HLCS: variants seen among roughly 807,000 people sequenced by gnomAD.
HLCS encodes the protein holocarboxylase synthetase.
HLCS carries 53 observed loss-of-function variants against 75.0 expected under a neutral mutation model. The ratio of observed to expected loss-of-function variants is 0.71; its 90% CI spans 0.57 to 0.89. The LOEUF (loss-of-function observed/expected upper bound fraction) is 0.89. Ranked by LOEUF, HLCS falls within the 40% of genes least tolerant of loss-of-function variation. The pLI, the probability that HLCS is intolerant of heterozygous loss-of-function variation, is 0.00. For missense variants in HLCS, 966 were observed against 1,074.0 expected (o/e 0.90, Z 1.41); for synonymous variants, 431 against 428.6 (o/e 1.01, Z -0.07).
rs192513765 is a variant in HLCS, at chr21:36,984,133, C to G, written c.-393+6025G>C. Among the ~76,000 whole-genome samples the G allele has an allele frequency of 2.0e-5, 3 of 152,198 alleles. No individual in the cohort carries two copies. The East Asian group carries it at 5.8e-4, about 29-fold the overall frequency. ...GAATCATATACATAAGCCACCACAC[C>G]TGGCCAAGAATGATTTTTTTAAATT... On this transcript the variant is annotated intron_variant, in intron 1 of 11. Coordinates refer to the HLCS transcript ENST00000336648.
chr21:36,772,917 G>A (rs942935244), intron 6 of HLCS, among the ~76,000 whole-genome samples: 27 of 148,480 alleles, frequency 1.8e-4, no homozygotes, highest in African/African-American at 6.4e-4. Context: ...GGAGGCAGAG[G>A]TTGCAGTGAG....
rs150431185 is a variant in HLCS at position 36,936,898 on chromosome 21, G to A, written c.988C>T (p.Arg330Trp). ...QEALGRFHEVRSVLADCVDID... is the reference protein window; with the variant it reads ...QEALGRFHEVWSVLADCVDID... ...TCCACACAGTCGGCCAGCACAGACCGGACCTCGTGGAACCGGCCGAGGGCT... is the reference window on the plus strand; with the variant it reads ...TCCACACAGTCGGCCAGCACAGACCAGACCTCGTGGAACCGGCCGAGGGCT... Residue 330 changes from arginine to tryptophan, a missense_variant, in exon 4 of 11, where the codon CGG becomes TGG. Arg to Trp is a moderately radical substitution (Grantham distance 101). Coordinates refer to ENST00000674895, the MANE Select transcript of HLCS (RefSeq NM_001352514.2). The A allele has an allele frequency of 2.4e-5, 39 of 1,614,036 alleles. No homozygotes were observed. The highest frequency in any genetic ancestry group is 1.3e-4 in the African/African-American group (10 of 74,914).
rs375578744 is a variant in HLCS at position 36,938,786 on chromosome 21, G to A, written c.493+46C>T. ...TCCAAAGTGCTGGGATTACAGGCAT[G>A]AGCCACTATGCCTGGCCAATAAAAA... On this transcript the variant is annotated intron_variant, in intron 3 of 10. Coordinates refer to ENST00000674895, the MANE Select transcript of HLCS (RefSeq NM_001352514.2). 3.5e-5 allele frequency: 55 copies of A among 1,582,818 alleles called. 1 individual carries two copies. The African/African-American group carries it at 6.2e-4, about 18-fold the overall frequency.
chr21:36,767,555 G>A (rs1470224052), intron 6 of HLCS, among the ~76,000 whole-genome samples: 6 of 152,134 alleles, frequency 3.9e-5, no homozygotes, highest in African/African-American at 1.2e-4. Context: ...TGCCTGAGCC[G>A]TTACTCCATT....
Position 36,773,976 on chromosome 21 carries a change from C to T in HLCS, c.1893-6691G>A, listed in dbSNP as rs771733336. Among the ~76,000 whole-genome samples, 61 of 152,274 alleles carry T rather than the reference C, an allele frequency of 4.0e-4. 2 individuals carry two copies. The highest frequency in any genetic ancestry group is 6.2e-4 in the South Asian group (3 of 4,820). ...AGATATTTCATTTTTGTTAAAGTCA[C>T]ACTTTAACAATACGATTGATTTTTT... On this transcript the variant is annotated intron_variant, in intron 6 of 10. Coordinates refer to ENST00000674895, the MANE Select transcript of HLCS (RefSeq NM_001352514.2).
intron 6 of HLCS, among the ~76,000 whole-genome samples, chr21:36,815,654 T>C (rs909010277): frequency 1.3e-5 from 2 of 152,160 alleles, no homozygotes; most frequent in African/African-American, 4.8e-5. Context: ...AAAAAGTGAA[T>C]TGAGATTTCG....
intron 8 of HLCS, among the ~76,000 whole-genome samples, chr21:36,761,312 C>A (rs971991387): frequency 5.3e-5 from 8 of 152,234 alleles, no homozygotes; most frequent in Non-Finnish European, 1.0e-4. Flanking sequence ...TCCATGAAAT[C>A]CCTTCCTCCT....
At position 36,930,351 on chromosome 21, in the gene HLCS, C is replaced by T; in HGVS notation, c.1520G>A (p.Arg507Lys). The change falls in exon 5 of 11, where the codon AGA becomes AAA. Residue 507 changes from arginine (R) to lysine (K), a missense_variant. Coordinates refer to ENST00000674895, the MANE Select transcript of HLCS (RefSeq NM_001352514.2). ...CAGAATCTCTCTAAGGACTTCGTAT[C>T]TTCTAAAATTGCTTGACTTGAGCAA... is the stretch of plus-strand genomic sequence containing the variant. ...FNLLKSSNFR[R>K]YEVLREILTT... 2 of 1,614,118 alleles carry T rather than the reference C, an allele frequency of 1.2e-6. No homozygotes were observed. The highest frequency in any genetic ancestry group is 1.7e-6 in the Non-Finnish European group (2 of 1,179,990).
At chr21:36,918,948 T>C (rs1291124094) in intron 5 of HLCS, among the ~76,000 whole-genome samples, 3 of 152,244 alleles carry the variant, frequency 2.0e-5, no homozygotes, top group Non-Finnish European at 4.4e-5. Context: ...TAAATATGTC[T>C]AATTGGAAAC....
chr21:36,785,330 C>T (rs548121629), intron 6 of HLCS, among the ~76,000 whole-genome samples: 9 of 152,288 alleles, frequency 5.9e-5, no homozygotes, highest in Admixed American at 3.9e-4. Context: ...CTCCATGACA[C>T]GCTGGGTTTA....
chr21:36,868,296 A>G (rs948069131), intron 6 of HLCS, among the ~76,000 whole-genome samples: 1 of 152,068 alleles, frequency 6.6e-6, no homozygotes, highest in Non-Finnish European at 1.5e-5. Context: ...AGAAAGAAAA[A>G]GAAAAACAGT....
In HLCS at chr21:36,966,668, T is replaced by TCGCC; in HGVS notation, c.-31_-30insGGCG. ...GCGCCGCCGGCAGGGCGAGCCCGCC[T>TCGCC]TGCCCGCCCGCCCCAGCGCCCCAGG... On this transcript the variant is annotated 5_prime_UTR_variant, in exon 1 of 11. Coordinates refer to ENST00000674895, the MANE Select transcript of HLCS (RefSeq NM_001352514.2). The TCGCC allele has an allele frequency of 3.1e-6, 3 of 963,334 alleles. No individual in the cohort carries two copies. Among genetic ancestry groups the TCGCC allele is most frequent in the South Asian group, 9.6e-5 (2 of 20,922 alleles). The allele number at this position is 963,334 out of a possible 1,614,324, so 59.7% of individuals were successfully genotyped here. A position where few individuals can be genotyped will look rare whatever the true frequency, so the allele number is the denominator to read the frequency against.
intron 2 of HLCS, among the ~76,000 whole-genome samples, chr21:36,951,051 A>G (rs2067648810): frequency 6.6e-6 from 1 of 152,096 alleles, no homozygotes; most frequent in South Asian, 2.1e-4. Context: ...TTCCATAGGC[A>G]CCTGATCCTA....
intron 6 of HLCS, among the ~76,000 whole-genome samples, chr21:36,868,539 C>T (rs2063653206): frequency 6.6e-6 from 1 of 152,032 alleles, no homozygotes. Context: ...ATTTTAATGA[C>T]CAATTCTATT....
intron 5 of HLCS, among the ~76,000 whole-genome samples, chr21:36,921,585 C>T (rs1324377502): frequency 6.6e-6 from 1 of 152,236 alleles, no homozygotes; most frequent in Non-Finnish European, 1.5e-5. Context: ...GTGGGTGAAA[C>T]TGACAATGGT....
At chr21:36,901,852 C>T (rs1358678240) in intron 5 of HLCS, among the ~76,000 whole-genome samples, 1 of 152,200 alleles carries the variant, frequency 6.6e-6, no homozygotes, top group African/African-American at 2.4e-5. Context: ...TTTCACATAT[C>T]TTTTTGGGGG....
intron 6 of HLCS, among the ~76,000 whole-genome samples, chr21:36,889,715 GT>G (rs2064693232): frequency 6.6e-6 from 1 of 152,174 alleles, no homozygotes; most frequent in Admixed American, 6.5e-5. Flanking sequence ...ACACGGAGAA[GT>G]TCACTGTCCC....
chr21:36,972,574 G>C (rs1210518556), intron 1 of HLCS, among the ~76,000 whole-genome samples: 1 of 152,194 alleles, frequency 6.6e-6, no homozygotes, highest in African/African-American at 2.4e-5. Flanking sequence ...AACTAGGACA[G>C]TAACTGTACA....
At chr21:36,861,318 C>T (rs896694957) in intron 6 of HLCS, among the ~76,000 whole-genome samples, 2 of 152,150 alleles carry the variant, frequency 1.3e-5, no homozygotes, top group African/African-American at 4.8e-5. Flanking sequence ...CTATGTGGTC[C>T]GTCAAGCTCT....
Sources: allele counts gnomAD v4.1 joint callset (sites outside exome capture counted in the v4.1 genomes callset), GRCh38; gene constraint gnomAD v4.1.1; transcripts MANE v1.5; gene names NCBI Gene and HGNC (gene_info 2026-07-23, HGNC 2026-07-21).